The following TTLL10 variants were observed in gnomAD, a reference collection of about 807,000 sequenced individuals.
TTLL10 encodes the protein inactive polyglycylase TTLL10.
Under a neutral mutation model 69.0 loss-of-function variants are expected in TTLL10, and 61 were observed. That is an observed-to-expected ratio of 0.88 (90% CI 0.72 to 1.09). The LOEUF (loss-of-function observed/expected upper bound fraction) is 1.09. TTLL10 is among the 50% of genes least tolerant of loss of function. The pLI, the probability that TTLL10 is intolerant of heterozygous loss-of-function variation, is 0.00. For synonymous variants in TTLL10, 408 were observed against 393.3 expected (o/e 1.04, Z -0.44); for missense variants, 962 against 945.9 (o/e 1.02, Z -0.22).
intron 8 of TTLL10, 57 bp downstream of exon 8, chr1:1,180,917 GCCCCTGCCCCTGCACCCGCCCCA>G (rs1171557108): frequency 5.7e-5 from 77 of 1,351,628 alleles, no homozygotes; most frequent in South Asian, 3.0e-4. Flanking sequence ...GCCTGCCCCT[GCCCCTGCCCCTGCACCCGCCCCA>G]CCCCTGCCCC....
intron 13 of TTLL10, among the ~76,000 whole-genome samples, chr1:1,188,828 A>G (rs1471380864): frequency 6.6e-6 from 1 of 152,128 alleles, no homozygotes; most frequent in African/African-American, 2.4e-5. Context: ...GTCTTCTTCC[A>G]TTTCTTTCAG....
At chr1:1,184,276 C>T (rs766029103) in intron 12 of TTLL10, among the ~76,000 whole-genome samples, 185 bp downstream of exon 12, 12 of 152,220 alleles carry the variant, frequency 7.9e-5, no homozygotes, top group Non-Finnish European at 1.2e-4. Context: ...TCTCACCTCC[C>T]GCTTTTGGCC....
chr1:1,197,373 C>T, intron 15 of TTLL10, 65 bp from the exon 16 acceptor site: 1 of 701,172 alleles, frequency 1.4e-6, no homozygotes, highest in Non-Finnish European at 2.4e-6. Context: ...CCCCTCACAC[C>T]CTCCCCACCC....
At chr1:1,176,204 G>A in intron 3 of TTLL10, 1 of 450,800 alleles carries the variant, frequency 2.2e-6, no homozygotes. Context: ...CCGGTGGAGA[G>A]GCTGCTGCTC....
intron 6 of TTLL10, 67 bp downstream of exon 6, chr1:1,180,407 C>T (rs1041077695): frequency 3.5e-5 from 54 of 1,540,628 alleles, no homozygotes; most frequent in East Asian, 7.4e-5. Flanking sequence ...GGGCCCAGCC[C>T]GGCCTCCGCT....
rs1173263651 is a variant in TTLL10 at position 1,196,624 on chromosome 1, C to T, written c.1426C>T (p.His476Tyr). The T allele has an allele frequency of 8.4e-6, 13 of 1,551,700 alleles. No individual in the cohort carries two copies. The highest frequency in any genetic ancestry group is 1.1e-5 in the Non-Finnish European group (13 of 1,146,932). Residue 476 changes from histidine to tyrosine, a missense_variant, in exon 14 of 16, where the codon CAC becomes TAC. His to Tyr is a moderately conservative substitution (Grantham distance 83). Coordinates refer to ENST00000379289, the MANE Select transcript of TTLL10 (RefSeq NM_001130045.2). ...GAAGCGGATGCAGCAGATCATGGCC[C>T]ACTGCTTTCTGGCCGCCAAGCCCAA... is the stretch of plus-strand genomic sequence containing the variant. ...LKKRMQQIMA[H>Y]CFLAAKPKLD...
intron 3 of TTLL10, chr1:1,174,882 C>G (rs1284517757): frequency 2.6e-5 from 4 of 152,184 alleles, no homozygotes; most frequent in Non-Finnish European, 5.9e-5. Flanking sequence ...CTTTGGGAGG[C>G]CGAGGTGGGC....
chr1:1,194,735 G>T (rs549782297), intron 13 of TTLL10, among the ~76,000 whole-genome samples: 2 of 152,150 alleles, frequency 1.3e-5, no homozygotes, highest in Non-Finnish European at 2.9e-5. Flanking sequence ...TGCTGATTTC[G>T]ACGTTCTCTG....
intron 13 of TTLL10, among the ~76,000 whole-genome samples, chr1:1,192,087 G>GT (rs1018948614): frequency 4.1e-5 from 6 of 147,518 alleles, no homozygotes; most frequent in Admixed American, 4.0e-4. Flanking sequence ...GCCAGATTTT[G>GT]GGGGGGGGCC....
chr1:1,187,156 T>C (rs907588503), intron 13 of TTLL10, among the ~76,000 whole-genome samples: 1 of 152,108 alleles, frequency 6.6e-6, no homozygotes, highest in African/African-American at 2.4e-5. Context: ...AAAAGTTCTT[T>C]ACATATTCTA....
chr1:1,193,749 G>A (rs1001238593), intron 13 of TTLL10, among the ~76,000 whole-genome samples: 3 of 152,198 alleles, frequency 2.0e-5, no homozygotes, highest in Non-Finnish European at 4.4e-5. Flanking sequence ...ACAGGCGTGA[G>A]CCACCACGCC....
At position 1,181,785 on chromosome 1, in the gene TTLL10, G is replaced by A. The variant is rs1157401036; in HGVS notation, c.800G>A (p.Trp267Ter). The A allele has an allele frequency of 6.2e-7, 1 of 1,609,482 alleles. No homozygotes were observed. The highest frequency in any genetic ancestry group is 8.5e-7 in the Non-Finnish European group (1 of 1,178,848). The change falls in exon 9 of 16, where the codon TGG becomes TAG. Residue 267 changes from tryptophan (W) to a stop codon, truncating the protein, a stop_gained. Transcript: ENST00000379289. LOFTEE classifies it high-confidence loss of function. This position sits in a 1 kb window ranked among gnomAD's most constrained non-coding sequence, Gnocchi z 4.6. ...GCGCCCGCCCTGGAGGACCTCCCGT[G>A]GACAAGCCCAGGATACCTCAGGCCA... The part of the protein sequence containing the change: ...AAAPALEDLP[W>*]TSPGYLRPQR...
intron 13 of TTLL10, chr1:1,196,335 T>C (rs982475556): frequency 1.1e-5 from 5 of 461,706 alleles, no homozygotes; most frequent in African/African-American, 9.8e-5. Context: ...CCGTCTCTTC[T>C]GCTCAAGGGC....
intron 4 of TTLL10, 82 bp from the exon 5 acceptor site, chr1:1,179,575 C>A: frequency 6.5e-7 from 1 of 1,535,828 alleles, no homozygotes; most frequent in Non-Finnish European, 8.8e-7. Context: ...CCTGGAAGGG[C>A]AGCCCCTCGT....
chr1:1,180,668 T>G (rs1647028629), intron 7 of TTLL10, 63 bp from the exon 8 acceptor site: 1 of 1,562,386 alleles, frequency 6.4e-7, no homozygotes. Context: ...ACAGGGCAGG[T>G]TGGAGGGGTG....
intron 13 of TTLL10, among the ~76,000 whole-genome samples, chr1:1,190,887 G>A (rs528337565): frequency 1.6e-3 from 239 of 148,830 alleles, no homozygotes; most frequent in African/African-American, 5.5e-3. Flanking sequence ...GTGTAATGGC[G>A]CAATCTCAGC....
At position 1,179,658 on chromosome 1, in the gene TTLL10, G is replaced by A; in HGVS notation, c.120G>A (p.Gly40=). 1 of 1,550,926 alleles carries A rather than the reference G, an allele frequency of 6.4e-7. No individual in the cohort carries two copies. The highest frequency in any genetic ancestry group is 8.7e-7 in the Non-Finnish European group (1 of 1,146,838). Residue 40 remains glycine, a splice_region_variant and synonymous_variant, in exon 5 of 16, where the codon GGG becomes GGA. Transcript: ENST00000379289. ...GACATTGTGACCCCTGCCCTCCAGG[G>A]ACCATCCCTGCGTCACGTCTGCACC... ...IQQRPRARVS[G]TIPASRLHPA...
intron 15 of TTLL10, 47 bp from the exon 16 acceptor site, chr1:1,197,390 GC>G (rs1648300586): frequency 3.0e-6 from 1 of 335,832 alleles, no homozygotes; most frequent in Non-Finnish European, 4.8e-6. Flanking sequence ...ACCCCCTCCA[GC>G]CCCAGCCTCT....
chr1:1,175,620 A>G (rs922223878), intron 3 of TTLL10: 3 of 438,804 alleles, frequency 6.8e-6, no homozygotes, highest in African/African-American at 6.0e-5. Context: ...CGTCACCCCC[A>G]CAGTCACCAT....
Sources: gnomAD v4.1 joint callset for allele counts (sites outside exome capture counted in the v4.1 genomes callset) on GRCh38, gnomAD v4.1.1 for gene constraint, Gnocchi (gnomAD v3.1) non-coding constraint, MANE v1.5 for transcripts, NCBI Gene and HGNC (gene_info 2026-07-23, HGNC 2026-07-21) for gene names.